Variants in ARPC3 observed in about 807,000 individuals in gnomAD.
ARPC3 encodes actin-related protein 2/3 complex subunit 3.
A neutral mutation model predicts 27.6 loss-of-function variants in ARPC3; 12 were observed. The observed-to-expected ratio is 0.43, with a 90% CI of 0.28 to 0.70. ARPC3 has a LOEUF of 0.70. Among genes scored for constraint, ARPC3 ranks in the 30% least tolerant of loss-of-function variants. ARPC3 has a pLI of 0.17. For missense variants in ARPC3, 153 were observed against 207.7 expected, an observed-to-expected ratio of 0.74 and a Z score of 1.62; for synonymous variants, 53 against 67.2, an observed-to-expected ratio of 0.79 and a Z score of 1.03.
At chr12:110,441,957 G>C (rs921033485) in intron 2 of ARPC3, among the ~76,000 whole-genome samples, 2 of 151,078 alleles carry the variant, frequency 1.3e-5, no homozygotes, top group African/African-American at 4.9e-5. Context: ...GCTTGAACTC[G>C]CGGGTGGAGG....
In ARPC3 at chr12:110,450,334, G is replaced by C; in HGVS notation, c.-74C>G. 4 of 1,601,528 alleles carry C rather than the reference G, an allele frequency of 2.5e-6. No homozygotes were observed. Among genetic ancestry groups the C allele is most frequent in the Non-Finnish European group, 3.4e-6 (4 of 1,170,436 alleles). On this transcript the variant is annotated 5_prime_UTR_variant, in exon 1 of 7. Transcript: ENST00000228825. ...CGGAGCGCTTCCGGTCTGGCAGCCT[G>C]GGCGAGGTAGGCGGAAGCGAAACGG...
Position 110,448,789 on chromosome 12 carries a change from GGGGT to G in ARPC3, c.6+1462_6+1465del, listed in dbSNP as rs1417203829. 2.5e-3 allele frequency among the ~76,000 whole-genome samples: 265 copies of G among 104,160 alleles called. 3 individuals are homozygous for G. The highest frequency in any genetic ancestry group is 4.3e-3 in the Non-Finnish European group (204 of 47,596). 68.3% of individuals were successfully genotyped at this position (104,160 alleles called of 152,430 possible). ...AGCTTCTTTTTTTCCGGGGGGGGGG[GGGGT>G]GGTGGTACAGAGTCTCACTCTGTCA... On this transcript the variant is annotated intron_variant, in intron 1 of 6. Coordinates refer to ENST00000228825, the MANE Select transcript of ARPC3 (RefSeq NM_001278556.2).
At chr12:110,440,290 T>C in intron 3 of ARPC3, 22 bp downstream of exon 3, 1 of 1,531,398 alleles carries the variant, frequency 6.5e-7, no homozygotes, top group Non-Finnish European at 9.0e-7. Flanking sequence ...CTAAGTTAAA[T>C]ATTAAAAGCT....
rs570043752 is a variant in ARPC3, at chr12:110,441,638, C to T, written c.107-1250G>A. Among the ~76,000 whole-genome samples the T allele has an allele frequency of 2.0e-4, 31 of 152,118 alleles. No homozygotes were observed. In the South Asian group the frequency reaches 6.4e-3, roughly 32 times the overall value. On this transcript the variant is annotated intron_variant, in intron 2 of 6. Transcript: ENST00000228825. ...CTTGAATTCCTGAGCGCAAGTGATCCTCCTGCTTCAGCTTCCCAGGTAGCC... is the reference window on the plus strand; with the variant it reads ...CTTGAATTCCTGAGCGCAAGTGATCTTCCTGCTTCAGCTTCCCAGGTAGCC...
At chr12:110,444,372 C>A (rs2062453584) in intron 2 of ARPC3, among the ~76,000 whole-genome samples, 1 of 151,860 alleles carries the variant, frequency 6.6e-6, no homozygotes, top group Admixed American at 6.6e-5. Context: ...GCAACCTCCA[C>A]CCTCTGTGTT....
In ARPC3 at chr12:110,435,116, T is replaced by G. The variant is rs745801307; in HGVS notation, c.*39A>C. 5 of 1,541,822 alleles carry G rather than the reference T, an allele frequency of 3.2e-6. No individual in the cohort carries two copies. Among genetic ancestry groups the G allele is most frequent in the Non-Finnish European group, 3.6e-6 (4 of 1,114,906 alleles). ...TTGTGTACATCTTGCTGGAAAATGC[T>G]GCCCAGGGCTCTGGAGACGGTGGCT... On this transcript the variant is annotated 3_prime_UTR_variant, in exon 7 of 7. Coordinates refer to ENST00000228825, the MANE Select transcript of ARPC3 (RefSeq NM_001278556.2).
At chr12:110,441,469 T>C (rs1463848263) in intron 2 of ARPC3, among the ~76,000 whole-genome samples, 1 of 152,188 alleles carries the variant, frequency 6.6e-6, no homozygotes, top group Non-Finnish European at 1.5e-5. Context: ...ACATGGTTTA[T>C]TTTTACAGCT....
chr12:110,443,971 T>TTTTTTTTTTTTTTTTTTTTA (rs2062451309), intron 2 of ARPC3, among the ~76,000 whole-genome samples: 1 of 109,314 alleles, frequency 9.1e-6, no homozygotes. Context: ...CAATTCAGGT[T>TTTTTTTTTTTTTTTTTTTTA]TTTTTTTTTT....
At chr12:110,439,541 T>A (rs531908884) in intron 3 of ARPC3, among the ~76,000 whole-genome samples, 1 of 152,098 alleles carries the variant, frequency 6.6e-6, no homozygotes, top group East Asian at 1.9e-4. Flanking sequence ...GGGCTGAAAT[T>A]CCATTTTAGG....
intron 3 of ARPC3, among the ~76,000 whole-genome samples, chr12:110,438,042 T>G (rs529345505): frequency 5.9e-5 from 9 of 152,024 alleles, no homozygotes; most frequent in Non-Finnish European, 1.3e-4. Flanking sequence ...ATGCCTGTAA[T>G]CCCAGCACTT....
In ARPC3 at chr12:110,445,524, C is replaced by T; in HGVS notation, c.34G>A (p.Asp12Asn). 1 of 1,613,570 alleles carries T rather than the reference C, an allele frequency of 6.2e-7. No homozygotes were observed. Among genetic ancestry groups the T allele is most frequent in the Non-Finnish European group, 8.5e-7 (1 of 1,179,540 alleles). The change falls in exon 2 of 7, where the codon GAT (aspartate) becomes AAT (asparagine). Residue 12 changes from aspartate to asparagine, a missense_variant. Coordinates refer to ENST00000228825, the MANE Select transcript of ARPC3 (RefSeq NM_001278556.2). ...PAYHSSLMDP[D>N]TKLIGNMALL... ...GCCATGTTTCCGATGAGTTTGGTAT[C>T]AGGATCCATGAGAGAAGAGTGGTAA...
intron 2 of ARPC3, 104 bp from the exon 3 acceptor site, chr12:110,440,492 G>T: frequency 1.3e-6 from 1 of 763,382 alleles, no homozygotes. Flanking sequence ...GTCAACAGTT[G>T]TGGAGTTGAA....
At chr12:110,436,960 G>A (rs564418528) in intron 4 of ARPC3, 124 bp downstream of exon 4, 175 of 789,934 alleles carry the variant, frequency 2.2e-4, no homozygotes, top group Non-Finnish European at 3.6e-4. Flanking sequence ...TTAAGTCCAT[G>A]CTGTAAGTCA....
chr12:110,448,121 C>T (rs1489139343), intron 1 of ARPC3, among the ~76,000 whole-genome samples: 2 of 151,946 alleles, frequency 1.3e-5, no homozygotes, highest in African/African-American at 4.8e-5. Context: ...CTCAAGTGAT[C>T]CTCCCATCTT....
At chr12:110,435,446 T>C (rs148123683) in intron 6 of ARPC3, among the ~76,000 whole-genome samples, 22,359 of 151,322 alleles carry the variant, frequency 0.15, 2,318 homozygotes, top group African/African-American at 0.3. Context: ...TCTCCTGCCT[T>C]AGCCTCCCCA....
chr12:110,440,514 G>T (rs1205264733), intron 2 of ARPC3, 126 bp from the exon 3 acceptor site: 4 of 694,020 alleles, frequency 5.8e-6, no homozygotes, highest in East Asian at 5.4e-5. Context: ...AAAATAAAAT[G>T]ATCCTATTGA....
intron 1 of ARPC3, among the ~76,000 whole-genome samples, chr12:110,446,524 C>A (rs34490299): frequency 6.7e-6 from 1 of 149,648 alleles, no homozygotes; most frequent in Non-Finnish European, 1.5e-5. Flanking sequence ...CTCGAACTCC[C>A]GACCTCAGGT....
Position 110,450,291 on chromosome 12 carries a change from A to T in ARPC3, c.-31T>A. 1 of 1,613,862 alleles carries T rather than the reference A, an allele frequency of 6.2e-7. No individual in the cohort carries two copies. Among genetic ancestry groups the T allele is most frequent in the Non-Finnish European group, 8.5e-7 (1 of 1,179,922 alleles). On this transcript the variant is annotated 5_prime_UTR_variant, in exon 1 of 7. Transcript: ENST00000228825. ...CGGCGCCCGGGTTTCAACCCAGAGG[A>T]GCAGGATCCAGGTACAGCGGAGCGC...
chr12:110,436,540 T>G lies in ARPC3; in HGVS notation c.379+17A>C. 6.2e-7 allele frequency: 1 copy of G among 1,613,890 alleles called. No individual in the cohort carries two copies. Among genetic ancestry groups the G allele is most frequent in the Non-Finnish European group, 8.5e-7 (1 of 1,179,928 alleles). On this transcript the variant is annotated intron_variant, in intron 5 of 6. Coordinates refer to ENST00000228825, the MANE Select transcript of ARPC3 (RefSeq NM_001278556.2). Reference sequence around the variant, plus strand: ...ATCTTCTTGTGTCACAGAGTGAGGATAGAGACCTGTTCTTACCATCTTCCT... The same window carrying G: ...ATCTTCTTGTGTCACAGAGTGAGGAGAGAGACCTGTTCTTACCATCTTCCT...
Sources: gnomAD v4.1 joint callset for allele counts (sites outside exome capture counted in the v4.1 genomes callset) on GRCh38, gnomAD v4.1.1 for gene constraint, MANE v1.5 for transcripts, NCBI Gene and HGNC (gene_info 2026-07-23, HGNC 2026-07-21) for gene names.